The following PCDH9 variants were observed in gnomAD, a reference collection of about 807,000 sequenced individuals.
PCDH9 encodes the protein protocadherin-9.
Under a neutral mutation model 70.6 loss-of-function variants are expected in PCDH9, and 24 were observed. That is an observed-to-expected ratio of 0.34 (90% CI 0.25 to 0.48). The LOEUF (loss-of-function observed/expected upper bound fraction) is 0.48, where lower values mean the gene tolerates loss of function less well. PCDH9 is among the 20% of genes least tolerant of loss of function. PCDH9 has a pLI of 0.99. For missense variants in PCDH9, 1,281 were observed against 1,503.6 expected (o/e 0.85, Z 2.45); for synonymous variants, 562 against 558.5 (o/e 1.01, Z -0.09).
chr13:66,569,019 T>TTTTTA (rs2076694719), intron 4 of PCDH9, among the ~76,000 whole-genome samples: 1 of 135,910 alleles, frequency 7.4e-6, no homozygotes, highest in African/African-American at 2.7e-5. Context: ...TTTTTTTTTT[T>TTTTTA]GAGATGGGGT....
In PCDH9 at chr13:67,228,516, G is replaced by C; in HGVS notation, c.-76C>G. On this transcript the variant is annotated 5_prime_UTR_variant, in exon 2 of 5. Transcript: ENST00000377865. ...CTGAGGAATGATGCACAAATTGCAAGAGGAAGCGTGCATGGACTGGAGGAT... is the reference window on the plus strand; with the variant it reads ...CTGAGGAATGATGCACAAATTGCAACAGGAAGCGTGCATGGACTGGAGGAT... 3.2e-6 allele frequency: 4 copies of C among 1,266,796 alleles called. No homozygotes were observed. Among genetic ancestry groups the C allele is most frequent in the Non-Finnish European group, 4.4e-6 (4 of 919,300 alleles). The allele number at this position is 1,266,796 out of a possible 1,614,324, so 78.5% of individuals were successfully genotyped here. A position where few individuals can be genotyped will look rare whatever the true frequency, so the allele number is the denominator to read the frequency against.
intron 2 of PCDH9, among the ~76,000 whole-genome samples, chr13:67,199,312 T>A (rs1002059745): frequency 2.0e-5 from 3 of 151,790 alleles, no homozygotes; most frequent in African/African-American, 7.2e-5. Flanking sequence ...AAATTAGTTT[T>A]TTTTTATAAA....
At chr13:66,526,341 T>A (rs1186688596) in intron 4 of PCDH9, among the ~76,000 whole-genome samples, 1 of 152,106 alleles carries the variant, frequency 6.6e-6, no homozygotes, top group East Asian at 1.9e-4. Context: ...AATAAGACTA[T>A]TGAGTCTTGT....
chr13:66,832,499 AT>A (rs2080945407), intron 3 of PCDH9, among the ~76,000 whole-genome samples: 1 of 152,058 alleles, frequency 6.6e-6, no homozygotes, highest in Admixed American at 6.6e-5. Context: ...TTATAGAAAT[AT>A]TTTTCAAACA....
chr13:66,849,533 G>GAA (rs1439695457), intron 3 of PCDH9, among the ~76,000 whole-genome samples: 319 of 148,780 alleles, frequency 2.1e-3, no homozygotes, highest in African/African-American at 7.2e-3. Context: ...GAGAGAGAGA[G>GAA]AGAGAGAGAG....
intron 3 of PCDH9, among the ~76,000 whole-genome samples, chr13:66,637,892 C>T (rs986873343): frequency 2.8e-5 from 4 of 144,934 alleles, no homozygotes; most frequent in Admixed American, 7.1e-5. Context: ...CTAGCCTGGG[C>T]GAGAGAGCAA....
intron 4 of PCDH9, among the ~76,000 whole-genome samples, chr13:66,602,600 CAA>C (rs2077176643): frequency 1.8e-5 from 1 of 55,602 alleles, no homozygotes; most frequent in African/African-American, 4.8e-5. Context: ...AGTGCTATTA[CAA>C]GAGTCAAAAA....
At chr13:67,122,891 A>G (rs2086904484) in intron 2 of PCDH9, among the ~76,000 whole-genome samples, 1 of 151,884 alleles carries the variant, frequency 6.6e-6, no homozygotes, top group Non-Finnish European at 1.5e-5. Flanking sequence ...TTAAATTAGT[A>G]GATTAGTTTA....
chr13:67,054,937 T>C (rs1170305453), intron 2 of PCDH9, among the ~76,000 whole-genome samples: 3 of 152,178 alleles, frequency 2.0e-5, no homozygotes, highest in East Asian at 3.8e-4. Flanking sequence ...TGGGCAAATA[T>C]AGAATAAGCA....
At chr13:66,969,149 G>A (rs575149989) in intron 2 of PCDH9, among the ~76,000 whole-genome samples, 25 of 151,890 alleles carry the variant, frequency 1.6e-4, no homozygotes, top group South Asian at 4.2e-4. Context: ...AATTTTATTC[G>A]GTACTCTCGC....
chr13:66,906,194 G>T (rs1432907086), intron 2 of PCDH9, among the ~76,000 whole-genome samples: 1 of 152,148 alleles, frequency 6.6e-6, no homozygotes, highest in Admixed American at 6.6e-5. Flanking sequence ...TCCCAGATTT[G>T]ATACATGAAT....
intron 2 of PCDH9, among the ~76,000 whole-genome samples, chr13:67,136,066 A>G (rs901116493): frequency 2.6e-5 from 4 of 152,172 alleles, no homozygotes; most frequent in African/African-American, 9.6e-5. Flanking sequence ...GATAAACTGC[A>G]TATCTGACAG....
intron 4 of PCDH9, among the ~76,000 whole-genome samples, chr13:66,322,383 T>A (rs1180518451): frequency 6.6e-6 from 1 of 151,992 alleles, no homozygotes; most frequent in Non-Finnish European, 1.5e-5. Context: ...TGCCTACGTG[T>A]TTAAAGATAT....
chr13:66,526,365 T>A (rs79071582), intron 4 of PCDH9, among the ~76,000 whole-genome samples: 2,062 of 152,212 alleles, frequency 0.014, 33 homozygotes, highest in East Asian at 0.04. Flanking sequence ...AATATTTTGA[T>A]GAACCATTTT....
intron 4 of PCDH9, among the ~76,000 whole-genome samples, chr13:66,622,331 C>T (rs1439920923): frequency 6.6e-6 from 1 of 152,224 alleles, no homozygotes; most frequent in Non-Finnish European, 1.5e-5. Context: ...CTGAGGAGTA[C>T]AGGCCCACAG....
intron 2 of PCDH9, among the ~76,000 whole-genome samples, chr13:67,039,806 T>A (rs1421759961): frequency 6.6e-6 from 1 of 152,166 alleles, no homozygotes; most frequent in Non-Finnish European, 1.5e-5. Context: ...GTAGCGAAGT[T>A]GAACAAAAGT....
intron 3 of PCDH9, among the ~76,000 whole-genome samples, chr13:66,737,816 T>C (rs751001391): frequency 6.6e-6 from 1 of 152,108 alleles, no homozygotes; most frequent in South Asian, 2.1e-4. Context: ...ACCACGAGAC[T>C]ATATCCCACA....
At chr13:66,950,361 T>C (rs904174146) in intron 2 of PCDH9, among the ~76,000 whole-genome samples, 3 of 152,152 alleles carry the variant, frequency 2.0e-5, no homozygotes, top group African/African-American at 4.8e-5. Context: ...TCAGAAATGC[T>C]AATTTCCTCA....
intron 3 of PCDH9, among the ~76,000 whole-genome samples, chr13:66,781,380 T>A (rs907394823): frequency 6.6e-6 from 1 of 152,186 alleles, no homozygotes; most frequent in Non-Finnish European, 1.5e-5. Flanking sequence ...GCTGTACAGA[T>A]GGGTTTATTT....
Sources: allele counts gnomAD v4.1 joint callset (sites outside exome capture counted in the v4.1 genomes callset), GRCh38; gene constraint gnomAD v4.1.1; transcripts MANE v1.5; gene names NCBI Gene and HGNC (gene_info 2026-07-23, HGNC 2026-07-21).